The following PBX3 variants were observed in gnomAD, a reference collection of about 807,000 sequenced individuals.
PBX3 encodes PBX homeobox 3.
Under a neutral mutation model 48.5 loss-of-function variants are expected in PBX3, and 14 were observed. The ratio of observed to expected loss-of-function variants is 0.29; its 90% confidence interval spans 0.19 to 0.45. The LOEUF (loss-of-function observed/expected upper bound fraction) is 0.45. PBX3 is among the 20% of genes least tolerant of loss of function. PBX3 has a pLI of 1.00. For synonymous variants in PBX3, 210 were observed against 200.3 expected (o/e 1.05, Z -0.41); for missense variants, 386 against 546.7 (o/e 0.71, Z 2.93).
At chr9:125,890,005 G>C (rs1465792234) in intron 2 of PBX3, among the ~76,000 whole-genome samples, 2 of 152,020 alleles carry the variant, frequency 1.3e-5, no homozygotes, top group African/African-American at 4.8e-5. Context: ...GAGAGAACGC[G>C]CGTTGCCCGC....
At chr9:125,793,370 T>TATAC (rs1837678260) in intron 2 of PBX3, among the ~76,000 whole-genome samples, 1 of 125,206 alleles carries the variant, frequency 8.0e-6, no homozygotes, top group African/African-American at 3.2e-5. Flanking sequence ...AAAAAAAATA[T>TATAC]ATATATATAT....
At chr9:125,933,927 C>T (rs1347370466) in intron 4 of PBX3, among the ~76,000 whole-genome samples, 2 of 152,254 alleles carry the variant, frequency 1.3e-5, no homozygotes, top group East Asian at 3.9e-4. Flanking sequence ...GTGCTCTCAC[C>T]TCGGGACCTT....
intron 2 of PBX3, among the ~76,000 whole-genome samples, chr9:125,899,353 T>G (rs568915897): frequency 1.1e-5 from 1 of 92,514 alleles, no homozygotes; most frequent in South Asian, 2.9e-4. Context: ...GTATATATTT[T>G]TATATAAATA....
chr9:125,928,066 C>T (rs1340881139), intron 3 of PBX3, among the ~76,000 whole-genome samples: 1 of 151,816 alleles, frequency 6.6e-6, no homozygotes, highest in Non-Finnish European at 1.5e-5. Flanking sequence ...ACCTGTAGTC[C>T]CAGCTACTCG....
intron 2 of PBX3, among the ~76,000 whole-genome samples, chr9:125,867,845 C>T (rs1840027549): frequency 6.6e-6 from 1 of 151,642 alleles, no homozygotes; most frequent in African/African-American, 2.4e-5. Context: ...TACACACACA[C>T]ACATACATAT....
At chr9:125,904,079 C>T (rs1841014725) in intron 2 of PBX3, among the ~76,000 whole-genome samples, 2 of 151,822 alleles carry the variant, frequency 1.3e-5, no homozygotes, top group Admixed American at 6.6e-5. Context: ...ATTAACCTGC[C>T]TTTGATATTA....
rs11792585 is a variant in PBX3 at position 125,966,180 on chromosome 9, A to G, written c.*257A>G. ...TAACATTGTTGACAGTCCTGTAGCT[A>G]TTTTATCATAATTTATTATCAATAT... On this transcript the variant is annotated 3_prime_UTR_variant, in exon 9 of 9. Transcript: ENST00000373489. 0.24 allele frequency: 71,995 copies of G among 298,388 alleles called. 10,242 individuals carry two copies. Among genetic ancestry groups the G allele is most frequent in the East Asian group, 0.55 (9,203 of 16,826 alleles). The allele number at this position is 298,388 out of a possible 1,614,324, so 18.5% of individuals were successfully genotyped here.
At chr9:125,748,907 G>A in intron 2 of PBX3, 1 of 314,506 alleles carries the variant, frequency 3.2e-6, no homozygotes, top group Non-Finnish European at 6.0e-6. Flanking sequence ...AGCGCCAGCC[G>A]CCCTCTTCCC....
chr9:125,850,929 G>A (rs1310635625), intron 2 of PBX3, among the ~76,000 whole-genome samples: 3 of 152,040 alleles, frequency 2.0e-5, no homozygotes, highest in Non-Finnish European at 2.9e-5. Context: ...AAAATCAATA[G>A]GAAGGTTAAG....
intron 3 of PBX3, 130 bp downstream of exon 3, chr9:125,916,057 A>C: frequency 1.5e-6 from 2 of 1,319,616 alleles, no homozygotes; most frequent in Non-Finnish European, 2.0e-6. Context: ...AGGTCAGTGC[A>C]AAAATCCAAG....
intron 2 of PBX3, among the ~76,000 whole-genome samples, chr9:125,823,526 T>C (rs1838717028): frequency 6.6e-6 from 1 of 151,994 alleles, no homozygotes. Flanking sequence ...TTAAGGAGGA[T>C]AAATTACTTT....
At chr9:125,823,266 A>G (rs1838708595) in intron 2 of PBX3, among the ~76,000 whole-genome samples, 1 of 152,230 alleles carries the variant, frequency 6.6e-6, no homozygotes, top group Non-Finnish European at 1.5e-5. Context: ...ATATATAAAA[A>G]TAAGCATCAC....
chr9:125,947,759 T>C (rs994572399), intron 5 of PBX3, among the ~76,000 whole-genome samples: 1 of 152,140 alleles, frequency 6.6e-6, no homozygotes, highest in Non-Finnish European at 1.5e-5. Flanking sequence ...AACTTAGTTA[T>C]GTGTTCTCTA....
intron 2 of PBX3, among the ~76,000 whole-genome samples, chr9:125,831,445 T>C (rs769382557): frequency 3.0e-4 from 46 of 151,490 alleles, no homozygotes; most frequent in Non-Finnish European, 5.0e-4. Flanking sequence ...TTTTTTGAGA[T>C]GGAGTCTCGC....
chr9:125,938,076 C>T (rs1013797952), intron 5 of PBX3, among the ~76,000 whole-genome samples: 1 of 151,902 alleles, frequency 6.6e-6, no homozygotes, highest in Non-Finnish European at 1.5e-5. Context: ...ATATTGAAGC[C>T]CCCTGAAAAC....
At position 125,812,699 on chromosome 9, in the gene PBX3, A is replaced by G. The variant is rs1309182909; in HGVS notation, c.274+64076A>G. ...CAGGCAATTTTGTCATTGTGAGAAC[A>G]TCATACAGTGTTCTTACACAAGCTT... On this transcript the variant is annotated intron_variant, in intron 2 of 8. Coordinates refer to ENST00000373489, the MANE Select transcript of PBX3 (RefSeq NM_006195.6). Among the ~76,000 whole-genome samples the G allele has an allele frequency of 3.9e-5, 6 of 152,254 alleles. No individual in the cohort carries two copies. In the East Asian group the frequency reaches 1.2e-3, roughly 29 times the overall value.
At chr9:125,920,127 T>C (rs1841425668) in intron 3 of PBX3, among the ~76,000 whole-genome samples, 1 of 152,190 alleles carries the variant, frequency 6.6e-6, no homozygotes, top group African/African-American at 2.4e-5. Flanking sequence ...TTTATTTTCT[T>C]CTTGTTGATT....
At chr9:125,853,775 G>T (rs1382247464) in intron 2 of PBX3, among the ~76,000 whole-genome samples, 1 of 152,060 alleles carries the variant, frequency 6.6e-6, no homozygotes, top group Non-Finnish European at 1.5e-5. Flanking sequence ...AATTTTTGAT[G>T]GTTATGAGTG....
intron 2 of PBX3, among the ~76,000 whole-genome samples, chr9:125,804,045 A>G (rs1838046814): frequency 6.6e-6 from 1 of 152,176 alleles, no homozygotes; most frequent in Non-Finnish European, 1.5e-5. Context: ...GTGATTTTAT[A>G]GCTTCTTCAT....
Sources: allele counts gnomAD v4.1 joint callset (sites outside exome capture counted in the v4.1 genomes callset), GRCh38; gene constraint gnomAD v4.1.1; transcripts MANE v1.5; gene names NCBI Gene and HGNC (gene_info 2026-07-23, HGNC 2026-07-21).